HORMAD2: variants seen among roughly 807,000 people sequenced by gnomAD.
HORMAD2 encodes HORMA domain-containing protein 2.
Under a neutral mutation model 38.8 loss-of-function variants are expected in HORMAD2, and 45 were observed. The ratio of observed to expected loss-of-function variants is 1.16; its 90% CI spans 0.91 to 1.49. The LOEUF (loss-of-function observed/expected upper bound fraction) is 1.49, where lower values mean the gene tolerates loss of function less well. Ranked by LOEUF, HORMAD2 falls within the 40% of genes most tolerant of loss-of-function variation. HORMAD2 has a pLI of 0.00. For synonymous variants in HORMAD2, 126 were observed against 122.8 expected (o/e 1.03, Z -0.17); for missense variants, 338 against 367.0 (o/e 0.92, Z 0.65).
At chr22:30,114,142 G>A (rs571796713) in intron 7 of HORMAD2, among the ~76,000 whole-genome samples, 1 of 152,254 alleles carries the variant, frequency 6.6e-6, no homozygotes, top group East Asian at 1.9e-4. Flanking sequence ...AGAAATGCAG[G>A]CATATATAAT....
At chr22:30,102,099 G>A (rs959438466) in intron 3 of HORMAD2, among the ~76,000 whole-genome samples, 3 of 152,000 alleles carry the variant, frequency 2.0e-5, no homozygotes, top group East Asian at 1.9e-4. Context: ...TAATGTAAGA[G>A]CATCAATAAA....
intron 10 of HORMAD2, among the ~76,000 whole-genome samples, chr22:30,162,619 G>A (rs906130796): frequency 6.6e-5 from 10 of 151,234 alleles, no homozygotes; most frequent in African/African-American, 2.4e-4. Flanking sequence ...ATTATTTGGT[G>A]TGTAATTGTG....
chr22:30,123,919 C>A (rs1322448546), intron 10 of HORMAD2, among the ~76,000 whole-genome samples: 1 of 151,818 alleles, frequency 6.6e-6, no homozygotes, highest in African/African-American at 2.4e-5. Context: ...ATCCTCCTGC[C>A]TTGGCCTCTC....
At chr22:30,119,265 T>C (rs1922270835) in intron 8 of HORMAD2, among the ~76,000 whole-genome samples, 1 of 152,150 alleles carries the variant, frequency 6.6e-6, no homozygotes, top group African/African-American at 2.4e-5. Flanking sequence ...AGCACAAAGG[T>C]AGAAATTATG....
intron 1 of HORMAD2, among the ~76,000 whole-genome samples, chr22:30,091,888 A>AT (rs2068694217): frequency 6.7e-6 from 1 of 149,980 alleles, no homozygotes; most frequent in African/African-American, 2.5e-5. Flanking sequence ...ATTTCATTTC[A>AT]TTTTTTGAGA....
chr22:30,204,845 G>A, the HORMAD2 span, among the ~76,000 whole-genome samples: 1 of 152,232 alleles, frequency 6.6e-6, no homozygotes, highest in Admixed American at 6.5e-5. Flanking sequence ...TAGAACATCT[G>A]GAACTAAGCT....
At chr22:30,096,601 G>T (rs1166186771) in intron 2 of HORMAD2, among the ~76,000 whole-genome samples, 1 of 151,820 alleles carries the variant, frequency 6.6e-6, no homozygotes, top group Non-Finnish European at 1.5e-5. Flanking sequence ...CCAAGTAGCT[G>T]GGATTATGGG....
At chr22:30,137,556 A>G (rs1923753926) in intron 10 of HORMAD2, 1 of 151,034 alleles carries the variant, frequency 6.6e-6, no homozygotes, top group Non-Finnish European at 1.4e-5. Context: ...AGAGACAGAG[A>G]GAAATAAAAA....
In HORMAD2 at chr22:30,101,500, T is replaced by C. The variant is rs145431256; in HGVS notation, c.194-1937T>C. On this transcript the variant is annotated intron_variant, in intron 3 of 10. Transcript: ENST00000336726. ...CCTAATGCATGTGGGGCTTAAAACC[T>C]AGATGATGGGTTGATGGTTGCAACA... Among the ~76,000 whole-genome samples, 391 of 151,884 alleles carry C rather than the reference T, an allele frequency of 2.6e-3. 1 individual carries two copies. The highest frequency in any genetic ancestry group is 8.9e-3 in the African/African-American group (369 of 41,388).
the HORMAD2 span, among the ~76,000 whole-genome samples, chr22:30,201,479 C>T: frequency 2.7e-5 from 4 of 146,438 alleles, no homozygotes; most frequent in Non-Finnish European, 5.9e-5. Context: ...TGCAGTGGCG[C>T]GATCTCAGCT....
At chr22:30,202,750 T>C in the HORMAD2 span, among the ~76,000 whole-genome samples, 1 of 152,224 alleles carries the variant, frequency 6.6e-6, no homozygotes, top group South Asian at 2.1e-4. Context: ...TTTCCCCTTC[T>C]GCCTGGGACA....
intron 1 of HORMAD2, among the ~76,000 whole-genome samples, chr22:30,088,146 C>T (rs2068612089): frequency 1.3e-5 from 2 of 148,378 alleles, no homozygotes; most frequent in Admixed American, 1.3e-4. Flanking sequence ...TACATATACA[C>T]ATATGTATAC....
chr22:30,131,270 T>C (rs1923265474), intron 10 of HORMAD2, among the ~76,000 whole-genome samples: 1 of 152,252 alleles, frequency 6.6e-6, no homozygotes, highest in South Asian at 2.1e-4. Flanking sequence ...GGAGGGCTAA[T>C]GTTGGCCCAG....
At chr22:30,138,149 T>G (rs1245019051) in intron 10 of HORMAD2, among the ~76,000 whole-genome samples, 1 of 152,168 alleles carries the variant, frequency 6.6e-6, no homozygotes, top group Non-Finnish European at 1.5e-5. Context: ...AATTTGTATT[T>G]CTCTAATGAC....
Position 30,111,811 on chromosome 22 carries a change from CTGACAG to C in HORMAD2, c.312_315+2del. ...TCTCTTGAAGCTACGTATGGCAGTA[CTGACAG>C]TAAGTACACACTCATTTAAAGACCA... is the stretch of plus-strand genomic sequence containing the variant. On this transcript the variant is annotated splice_donor_variant and coding_sequence_variant, in exon 6 of 11. Coordinates refer to ENST00000336726, the MANE Select transcript of HORMAD2 (RefSeq NM_152510.4). LOFTEE classifies it high-confidence loss of function. The C allele has an allele frequency of 5.7e-6, 9 of 1,570,282 alleles. No individual in the cohort carries two copies. The highest frequency in any genetic ancestry group is 6.9e-6 in the Non-Finnish European group (8 of 1,156,330).
At chr22:30,082,162 G>A (rs1397628296) in intron 1 of HORMAD2, among the ~76,000 whole-genome samples, 1 of 152,044 alleles carries the variant, frequency 6.6e-6, no homozygotes, top group Non-Finnish European at 1.5e-5. Flanking sequence ...CTTCTTTTGA[G>A]TAAAGCCATT....
chr22:30,116,229 G>T (rs1161091709), intron 7 of HORMAD2, among the ~76,000 whole-genome samples: 1 of 152,126 alleles, frequency 6.6e-6, no homozygotes, highest in African/African-American at 2.4e-5. Context: ...AAGGGAAAGT[G>T]GCCAGAGATA....
At chr22:30,108,258 T>C (rs185838753) in intron 5 of HORMAD2, among the ~76,000 whole-genome samples, 1 of 152,280 alleles carries the variant, frequency 6.6e-6, no homozygotes, top group East Asian at 1.9e-4. Context: ...CTGCATACTT[T>C]CAGAAACCCA....
At chr22:30,175,618 G>A (rs1601602723) in intron 10 of HORMAD2, among the ~76,000 whole-genome samples, 1 of 152,026 alleles carries the variant, frequency 6.6e-6, no homozygotes, top group African/African-American at 2.4e-5. Context: ...GAAAGGTTAT[G>A]GTTCTTCTTA....
Sources: gnomAD v4.1 joint callset for allele counts (sites outside exome capture counted in the v4.1 genomes callset) on GRCh38, gnomAD v4.1.1 for gene constraint, MANE v1.5 for transcripts, NCBI Gene and HGNC (gene_info 2026-07-23, HGNC 2026-07-21) for gene names.